SLC9A5: variants seen among roughly 807,000 people sequenced by gnomAD.
The protein encoded by SLC9A5 is sodium/hydrogen exchanger 5.
In SLC9A5, 52 loss-of-function variants were observed where a neutral mutation model predicts 91.7. The observed-to-expected ratio is 0.57, with a 90% CI of 0.45 to 0.71. SLC9A5 has a LOEUF of 0.71. Ranked by LOEUF, SLC9A5 falls within the 30% of genes least tolerant of loss-of-function variation. The pLI is 0.00. For missense variants in SLC9A5, 871 were observed against 1,158.9 expected, an observed-to-expected ratio of 0.75 and a Z score of 3.61; for synonymous variants, 419 against 474.5, an observed-to-expected ratio of 0.88 and a Z score of 1.52.
At position 67,257,133 on chromosome 16, in the gene SLC9A5, TGGGTA is replaced by T; in HGVS notation, c.1335+24_1335+28del. On this transcript the variant is annotated intron_variant, in intron 7 of 15. Transcript: ENST00000299798. This position sits in a 1 kb window ranked among gnomAD's most constrained non-coding sequence, Gnocchi z 5.1. Reference sequence around the variant, plus strand: ...GTGCAGGTGGGAGTGCCCACAAGGCTGGGTAGGGAGAGGGTTGGGCAGGCCCTGGG... The same window carrying T: ...GTGCAGGTGGGAGTGCCCACAAGGCTGGGAGAGGGTTGGGCAGGCCCTGGG... 6.3e-7 allele frequency: 1 copy of T among 1,599,606 alleles called. No homozygotes were observed. The highest frequency in any genetic ancestry group is 8.5e-7 in the Non-Finnish European group (1 of 1,174,686).
At chr16:67,250,228 C>G (rs1597342034) in intron 1 of SLC9A5, among the ~76,000 whole-genome samples, 1 of 152,114 alleles carries the variant, frequency 6.6e-6, no homozygotes, top group African/African-American at 2.4e-5. Context: ...GCTGTGGCAG[C>G]CTGAGATTAA....
chr16:67,249,503 C>A (rs2035031781), intron 1 of SLC9A5, among the ~76,000 whole-genome samples: 1 of 152,190 alleles, frequency 6.6e-6, no homozygotes, highest in African/African-American at 2.4e-5. Context: ...GCAGTAGGCC[C>A]TCTTCAGTCT....
intron 1 of SLC9A5, among the ~76,000 whole-genome samples, chr16:67,251,403 C>CTTTTTTTTTTTT (rs939453669): frequency 3.1e-5 from 2 of 64,810 alleles, no homozygotes; most frequent in Non-Finnish European, 5.7e-5. Flanking sequence ...AGTAGATTGT[C>CTTTTTTTTTTTT]TTTTTTTTTT....
intron 12 of SLC9A5, 136 bp downstream of exon 12, chr16:67,260,082 CTCA>C (rs2035475587): frequency 8.1e-7 from 1 of 1,235,714 alleles, no homozygotes; most frequent in Non-Finnish European, 1.1e-6. Context: ...GGTGCGATGG[CTCA>C]TGCCTGTAAT....
In SLC9A5 at chr16:67,271,409, C is replaced by T; in HGVS notation, c.*199C>T. The T allele has an allele frequency of 1.7e-6, 1 of 598,598 alleles. No homozygotes were observed. The highest frequency in any genetic ancestry group is 3.0e-6 in the Non-Finnish European group (1 of 336,184). The allele number at this position is 598,598 out of a possible 1,614,324, so 37.1% of individuals were successfully genotyped here. On this transcript the variant is annotated 3_prime_UTR_variant, in exon 16 of 16. Coordinates refer to ENST00000299798, the MANE Select transcript of SLC9A5 (RefSeq NM_004594.3). ...TTCTCACCACCTCCCTGCTCCTAAC[C>T]CCTGCCACTTTCTGTTTCATTAAGG...
At chr16:67,251,291 A>G (rs958656825) in intron 1 of SLC9A5, among the ~76,000 whole-genome samples, 4 of 151,832 alleles carry the variant, frequency 2.6e-5, no homozygotes, top group Admixed American at 6.6e-5. Context: ...CACAGCTCCT[A>G]GGAGGTATAA....
chr16:67,265,104 C>G lies in SLC9A5; in HGVS notation c.2078C>G (p.Thr693Arg). 6.2e-7 allele frequency: 1 copy of G among 1,613,920 alleles called. No homozygotes were observed. The highest frequency in any genetic ancestry group is 8.5e-7 in the Non-Finnish European group (1 of 1,179,884). ...CATCGAGGCCTGGGCTTTCAGGACA[C>G]AGGCAAGCAGGGAGCAGTGTGGGAT... ...GKHRGLGFQD[T>R]AAVILTVESE... Residue 693 changes from threonine to arginine, a missense_variant and splice_region_variant, in exon 14 of 16, where the codon ACA (threonine) becomes AGA (arginine). Thr to Arg is a moderately conservative substitution (Grantham distance 71). Transcript: ENST00000299798.
rs1390178007 is a variant in SLC9A5, at chr16:67,255,443, G to A, written c.705G>A (p.Val235=). 6.2e-7 allele frequency: 1 copy of A among 1,614,140 alleles called. No homozygotes were observed. The highest frequency in any genetic ancestry group is 1.1e-5 in the South Asian group (1 of 91,082). Residue 235 remains valine, a synonymous_variant, in exon 4 of 16, where the codon GTG becomes GTA. Coordinates refer to ENST00000299798, the MANE Select transcript of SLC9A5 (RefSeq NM_004594.3). The surrounding 1 kb of genome is among the most constrained non-coding windows in gnomAD (Gnocchi z 4.9). ...NSFVEMGSAN[V]QATDYLKGVA... ...TTGTGGAGATGGGCTCTGCCAATGTGCAGGCCACTGACTACCTGAAGGGAG... is the reference window on the plus strand; with the variant it reads ...TTGTGGAGATGGGCTCTGCCAATGTACAGGCCACTGACTACCTGAAGGGAG...
rs777496178 is a variant in SLC9A5 at position 67,249,087 on chromosome 16, G to C, written c.73G>C (p.Glu25Gln). The part of the protein sequence containing the change: ...GAAEEPTQKP[E>Q]SPGEPPPGLE... The stretch of plus-strand genomic sequence containing the variant: ...GGCCGAAGAGCCCACCCAGAAGCCA[G>C]AGTCCCCGGGCGAGCCTCCCCCAGG... Residue 25 changes from glutamate to glutamine, a missense_variant, in exon 1 of 16, where the codon GAG (glutamate) becomes CAG (glutamine). Glu to Gln is a conservative substitution (Grantham distance 29). This residue lies in a region of SLC9A5 where 122 missense variants were observed against 114.5 expected (regional missense o/e 1.07). Coordinates refer to ENST00000299798, the MANE Select transcript of SLC9A5 (RefSeq NM_004594.3). 1 of 1,534,390 alleles carries C rather than the reference G, an allele frequency of 6.5e-7. No homozygotes were observed. Among genetic ancestry groups the C allele is most frequent in the South Asian group, 1.2e-5 (1 of 83,540 alleles).
chr16:67,263,665 T>G (rs2035605177), intron 12 of SLC9A5: 1 of 152,166 alleles, frequency 6.6e-6, no homozygotes, highest in Admixed American at 6.5e-5. Flanking sequence ...GCACCTGTAA[T>G]CCCAGCTACT....
intron 12 of SLC9A5, among the ~76,000 whole-genome samples, chr16:67,264,062 A>G (rs2035619611): frequency 6.6e-6 from 1 of 152,198 alleles, no homozygotes; most frequent in African/African-American, 2.4e-5. Context: ...AACAAGACAG[A>G]GGGTCACCTT....
At chr16:67,254,043 G>A (rs1252987827) in intron 2 of SLC9A5, among the ~76,000 whole-genome samples, 1 of 152,200 alleles carries the variant, frequency 6.6e-6, no homozygotes, top group Non-Finnish European at 1.5e-5. Context: ...GAGGACATCA[G>A]ATCATAATAA....
Position 67,249,341 on chromosome 16 carries a change from C to T in SLC9A5, c.187+140C>T, listed in dbSNP as rs901077262. On this transcript the variant is annotated intron_variant, in intron 1 of 15. Transcript: ENST00000299798. The stretch of plus-strand genomic sequence containing the variant: ...GGTTTGGATTCCACAAATCCGGGCT[C>T]TCGCCCAGTTCCTGCATCGCTTCTT... The T allele has an allele frequency of 4.3e-5, 27 of 628,320 alleles. No individual in the cohort carries two copies. In the African/African-American group the frequency reaches 5.0e-4, roughly 12 times the overall value. 38.9% of individuals were successfully genotyped at this position (628,320 alleles called of 1,614,324 possible). A position where few individuals can be genotyped will look rare whatever the true frequency, so the allele number is the denominator to read the frequency against.
rs745806251 is a variant in SLC9A5, at chr16:67,255,183, T to G, written c.653T>G (p.Val218Gly). 2 of 1,612,978 alleles carry G rather than the reference T, an allele frequency of 1.2e-6. No individual in the cohort carries two copies. Among genetic ancestry groups the G allele is most frequent in the South Asian group, 1.1e-5 (1 of 91,038 alleles). ...GESLLNDAVT[V>G]VLYKVCNSFV... ...TCCCTGCTCAACGATGCTGTCACCGTGGTGAGCGTGCTCAGCTGACTGCCA... is the reference window on the plus strand; with the variant it reads ...TCCCTGCTCAACGATGCTGTCACCGGGGTGAGCGTGCTCAGCTGACTGCCA... The change falls in exon 3 of 16, where the codon GTG (valine) becomes GGG (glycine). Residue 218 changes from valine (V) to glycine (G), a missense_variant and splice_region_variant. Coordinates refer to ENST00000299798, the MANE Select transcript of SLC9A5 (RefSeq NM_004594.3). This position sits in a 1 kb window ranked among gnomAD's most constrained non-coding sequence, Gnocchi z 4.9.
rs181950760 is a variant in SLC9A5, at chr16:67,259,513, C to A, written c.1627-60C>A. 43 of 1,208,194 alleles carry A rather than the reference C, an allele frequency of 3.6e-5. No individual in the cohort carries two copies. The East Asian group carries it at 9.1e-4, about 26-fold the overall frequency. The allele number at this position is 1,208,194 out of a possible 1,614,324, so 74.8% of individuals were successfully genotyped here. A position where few individuals can be genotyped will look rare whatever the true frequency, so the allele number is the denominator to read the frequency against. ...CGTTATTATTATTTTCTTTATTACC[C>A]CTGACTCCTGGGCAACCCTCCATCT... On this transcript the variant is annotated intron_variant, in intron 10 of 15. Coordinates refer to ENST00000299798, the MANE Select transcript of SLC9A5 (RefSeq NM_004594.3).
chr16:67,261,704 C>G (rs2035535942), intron 12 of SLC9A5: 1 of 152,178 alleles, frequency 6.6e-6, no homozygotes, highest in East Asian at 1.9e-4. Flanking sequence ...CTCTATCTCC[C>G]TTGCTATTTA....
In SLC9A5 at chr16:67,257,516, C is replaced by G. The variant is rs754557611; in HGVS notation, c.1426-15C>G. Reference sequence around the variant, plus strand: ...CAGAGTCCTGATCCAGTCCCCCTACCCACCCCCCTTCTAGACTTTTGACCA... The same window carrying G: ...CAGAGTCCTGATCCAGTCCCCCTACGCACCCCCCTTCTAGACTTTTGACCA... On this transcript the variant is annotated splice_polypyrimidine_tract_variant and intron_variant, in intron 8 of 15. Coordinates refer to ENST00000299798, the MANE Select transcript of SLC9A5 (RefSeq NM_004594.3). This position sits in a 1 kb window ranked among gnomAD's most constrained non-coding sequence, Gnocchi z 5.1. 2.5e-6 allele frequency: 4 copies of G among 1,614,076 alleles called. No homozygotes were observed.
intron 15 of SLC9A5, among the ~76,000 whole-genome samples, chr16:67,269,279 A>G (rs1180108619): frequency 6.6e-6 from 1 of 152,028 alleles, no homozygotes; most frequent in Non-Finnish European, 1.5e-5. Flanking sequence ...CGAAAAAAAA[A>G]AAATTAGCTA....
At chr16:67,264,616 C>A in intron 13 of SLC9A5, 94 bp downstream of exon 13, 1 of 1,318,552 alleles carries the variant, frequency 7.6e-7, no homozygotes, top group African/African-American at 1.5e-5. Context: ...TAGGGGGAAC[C>A]CCAGTTGGGA....
Sources: gnomAD v4.1 joint callset for allele counts (sites outside exome capture counted in the v4.1 genomes callset) on GRCh38, gnomAD v4.1.1 for gene constraint, gnomAD v4.1.1 regional missense constraint, Gnocchi (gnomAD v3.1) non-coding constraint, MANE v1.5 for transcripts, NCBI Gene and HGNC (gene_info 2026-07-23, HGNC 2026-07-21) for gene names.